The following ALK variants were observed in gnomAD, a reference collection of about 807,000 sequenced individuals.
The protein encoded by ALK is ALK receptor tyrosine kinase.
ALK carries 74 observed loss-of-function variants against 163.1 expected under a neutral mutation model. The observed-to-expected ratio is 0.45, with a 90% CI of 0.38 to 0.55. ALK has a LOEUF of 0.55. Ranked by LOEUF, ALK falls within the 20% of genes least tolerant of loss-of-function variation. The pLI is 0.00. For synonymous variants in ALK, 960 were observed against 843.2 expected, an observed-to-expected ratio of 1.14 and a Z score of -2.40; for missense variants, 2,063 against 2,105.3, an observed-to-expected ratio of 0.98 and a Z score of 0.39.
intron 13 of ALK, among the ~76,000 whole-genome samples, chr2:29,237,236 A>G (rs1196293567): frequency 2.0e-5 from 3 of 152,212 alleles, no homozygotes; most frequent in Admixed American, 6.5e-5. Context: ...GATTAATGCC[A>G]TAGCCCTTGA....
At chr2:29,602,315 A>G (rs1341554416) in intron 3 of ALK, among the ~76,000 whole-genome samples, 1 of 152,134 alleles carries the variant, frequency 6.6e-6, no homozygotes, top group Non-Finnish European at 1.5e-5. Flanking sequence ...GATTCTGCTC[A>G]TAGAATCCCA....
chr2:29,226,478 CAAA>C (rs3028223), intron 18 of ALK, among the ~76,000 whole-genome samples: 1,579 of 84,750 alleles, frequency 0.019, 25 homozygotes, highest in African/African-American at 0.054. Flanking sequence ...AACTCCGCCT[CAAA>C]AAAAAAAAAA....
chr2:29,298,864 T>A lies in ALK; in HGVS notation c.1648-1807A>T, dbSNP rs866754847. On this transcript the variant is annotated intron_variant, in intron 8 of 28. Coordinates refer to ENST00000389048, the MANE Select transcript of ALK (RefSeq NM_004304.5). ...TCATTTTCTCTCCCCCAGTCCTTGC[T>A]CTTTTAGTTACTGCCCTCCTTTCCC... Among the ~76,000 whole-genome samples, 6 of 152,344 alleles carry A rather than the reference T, an allele frequency of 3.9e-5. No homozygotes were observed. The South Asian group carries it at 6.2e-4, about 16-fold the overall frequency.
At chr2:29,430,603 G>A (rs1670249171) in intron 4 of ALK, among the ~76,000 whole-genome samples, 1 of 152,156 alleles carries the variant, frequency 6.6e-6, no homozygotes, top group Admixed American at 6.5e-5. Context: ...GCCCACTCAT[G>A]CCCTAGAGCA....
chr2:29,825,714 T>C (rs1338772565), intron 1 of ALK, among the ~76,000 whole-genome samples: 1 of 148,086 alleles, frequency 6.8e-6, no homozygotes, highest in Non-Finnish European at 1.5e-5. Flanking sequence ...ATTTTGTGTG[T>C]TTTTTTTTTT....
chr2:29,507,356 T>G (rs1030932435), intron 4 of ALK, among the ~76,000 whole-genome samples: 1 of 152,144 alleles, frequency 6.6e-6, no homozygotes, highest in Non-Finnish European at 1.5e-5. Context: ...ATAGTGGTGG[T>G]TGCCTGGGGT....
chr2:29,725,630 ATTTCT>A (rs537154614), intron 1 of ALK, among the ~76,000 whole-genome samples: 271 of 151,748 alleles, frequency 1.8e-3, no homozygotes, highest in African/African-American at 6.2e-3. Context: ...GTTTATGTTG[ATTTCT>A]TTTCTTTTTT....
intron 4 of ALK, among the ~76,000 whole-genome samples, chr2:29,447,171 C>A (rs1416815776): frequency 6.6e-6 from 1 of 152,142 alleles, no homozygotes; most frequent in Non-Finnish European, 1.5e-5. Flanking sequence ...GTCCAGATAC[C>A]TGATGGAGGC....
intron 3 of ALK, among the ~76,000 whole-genome samples, chr2:29,532,356 C>T (rs1055029663): frequency 2.6e-5 from 4 of 152,162 alleles, no homozygotes; most frequent in Non-Finnish European, 5.9e-5. Context: ...GACCAAGGTT[C>T]GAACCTTAGC....
chr2:29,725,695 T>G (rs1439442142), intron 1 of ALK, among the ~76,000 whole-genome samples: 1 of 152,130 alleles, frequency 6.6e-6, no homozygotes, highest in Admixed American at 6.6e-5. Flanking sequence ...TCACAGTGGC[T>G]GTTTTTGGTT....
intron 3 of ALK, among the ~76,000 whole-genome samples, chr2:29,694,330 T>G (rs1678490582): frequency 6.6e-6 from 1 of 152,230 alleles, no homozygotes; most frequent in Admixed American, 6.5e-5. Context: ...TTAGAAACAT[T>G]TAAGCCAGTT....
intron 4 of ALK, among the ~76,000 whole-genome samples, chr2:29,465,028 A>G (rs1339983102): frequency 6.6e-6 from 1 of 152,242 alleles, no homozygotes; most frequent in Non-Finnish European, 1.5e-5. Context: ...TAATAGCACA[A>G]AGATTTCCAA....
chr2:29,227,090 G>A lies in ALK; in HGVS notation c.2915-16C>T, dbSNP rs1348965931. On this transcript the variant is annotated splice_polypyrimidine_tract_variant and intron_variant, in intron 17 of 28. Transcript: ENST00000389048. This position sits in a 1 kb window ranked among gnomAD's most constrained non-coding sequence, Gnocchi z 4.4. ...CCTTCCATCACTAGTGACAAGGAGG[G>A]AGGGTCAGTCTTGGGCCGAGCCTGC... The A allele has an allele frequency of 6.2e-7, 1 of 1,614,094 alleles. No individual in the cohort carries two copies. Among genetic ancestry groups the A allele is most frequent in the Admixed American group, 1.7e-5 (1 of 60,014 alleles).
At chr2:29,297,151 G>A in intron 8 of ALK, 94 bp from the exon 9 acceptor site, 1 of 1,467,202 alleles carries the variant, frequency 6.8e-7, no homozygotes, top group Admixed American at 1.8e-5. Flanking sequence ...CCTTATAAGA[G>A]ACTCAGCTGA....
chr2:29,745,959 GA>G (rs1389462242), intron 1 of ALK, among the ~76,000 whole-genome samples: 1 of 152,100 alleles, frequency 6.6e-6, no homozygotes, highest in Non-Finnish European at 1.5e-5. Context: ...CCCCACTATG[GA>G]AAAATCAGGT....
chr2:29,300,645 C>T (rs919851510), intron 8 of ALK, among the ~76,000 whole-genome samples: 5 of 151,092 alleles, frequency 3.3e-5, no homozygotes, highest in African/African-American at 9.7e-5. Context: ...GGTGGATCTA[C>T]AAAGGAACCC....
chr2:29,484,470 G>A (rs1447332696), intron 4 of ALK, among the ~76,000 whole-genome samples: 1 of 152,014 alleles, frequency 6.6e-6, no homozygotes, highest in Non-Finnish European at 1.5e-5. Flanking sequence ...TCTATTGTCA[G>A]GGAACTTAGC....
chr2:29,389,852 T>C (rs1034098003), intron 4 of ALK, among the ~76,000 whole-genome samples: 8 of 152,124 alleles, frequency 5.3e-5, no homozygotes, highest in African/African-American at 1.9e-4. Context: ...TTGGCCTCCA[T>C]TTGCCAAGAG....
intron 1 of ALK, among the ~76,000 whole-genome samples, chr2:29,799,636 T>C (rs1664411813): frequency 6.6e-6 from 1 of 152,114 alleles, no homozygotes; most frequent in Admixed American, 6.5e-5. Flanking sequence ...TGAGCTATGA[T>C]TGCACCACTG....
Sources: allele counts gnomAD v4.1 joint callset (sites outside exome capture counted in the v4.1 genomes callset), GRCh38; gene constraint gnomAD v4.1.1; non-coding constraint Gnocchi (gnomAD v3.1); transcripts MANE v1.5; gene names NCBI Gene and HGNC (gene_info 2026-07-23, HGNC 2026-07-21).